Variants in SNTG1 observed in about 807,000 individuals in gnomAD.
SNTG1 encodes the protein syntrophin gamma 1.
Under a neutral mutation model 74.7 loss-of-function variants are expected in SNTG1, and 39 were observed. The observed-to-expected ratio is 0.52, with a 90% CI of 0.40 to 0.68. SNTG1 has a LOEUF of 0.68. Ranked by LOEUF, SNTG1 falls within the 30% of genes least tolerant of loss-of-function variation. The pLI is 0.00. For synonymous variants in SNTG1, 254 were observed against 217.1 expected (o/e 1.17, Z -1.49); for missense variants, 685 against 609.5 (o/e 1.12, Z -1.30).
chr8:50,627,123 C>T (rs920559160), intron 13 of SNTG1, among the ~76,000 whole-genome samples: 3 of 152,120 alleles, frequency 2.0e-5, no homozygotes, highest in African/African-American at 7.2e-5. Context: ...TTAAACACCT[C>T]TCTTCATTTT....
chr8:50,761,630 TC>T lies in SNTG1; in HGVS notation c.1395+9520del, dbSNP rs1463000601. Among the ~76,000 whole-genome samples, 7 of 151,958 alleles carry T rather than the reference TC, an allele frequency of 4.6e-5. No individual in the cohort carries two copies. In the South Asian group the frequency reaches 8.3e-4, roughly 18 times the overall value. ...TTTTTTTTTTCATGATCTGTGGTTT[TC>T]TTTTTAATTATCTTGTCTTATGATC... On this transcript the variant is annotated intron_variant, in intron 18 of 18. Transcript: ENST00000642720.
chr8:50,599,286 G>C (rs2094755360), intron 13 of SNTG1, among the ~76,000 whole-genome samples: 1 of 151,940 alleles, frequency 6.6e-6, no homozygotes. Flanking sequence ...AATTAGAAAT[G>C]AAGTAATGTG....
intron 18 of SNTG1, among the ~76,000 whole-genome samples, chr8:50,784,385 G>A (rs537418625): frequency 2.9e-4 from 44 of 151,956 alleles, no homozygotes; most frequent in South Asian, 1.5e-3. Context: ...AAAAGAACCC[G>A]AATAACTATA....
chr8:50,484,143 T>TC (rs1433936462), intron 8 of SNTG1, among the ~76,000 whole-genome samples: 30 of 105,294 alleles, frequency 2.8e-4, no homozygotes, highest in South Asian at 8.0e-4. Context: ...TTTCCTTCTT[T>TC]CTTTCTTTCC....
chr8:50,568,298 G>T lies in SNTG1; in HGVS notation c.810+15119G>T, dbSNP rs946775246. 3.8e-4 allele frequency among the ~76,000 whole-genome samples: 58 copies of T among 151,118 alleles called. No individual in the cohort carries two copies. In the Admixed American group the frequency reaches 3.8e-3, roughly 10 times the overall value. On this transcript the variant is annotated intron_variant, in intron 12 of 18. Transcript: ENST00000642720. ...TCTATCTACCATTGTGAATAGTGCTGCAATAAACATGGGAGTACAGATATC... is the reference window on the plus strand; with the variant it reads ...TCTATCTACCATTGTGAATAGTGCTTCAATAAACATGGGAGTACAGATATC...
chr8:50,786,200 C>CA (rs1167249288), intron 18 of SNTG1, among the ~76,000 whole-genome samples: 1 of 151,838 alleles, frequency 6.6e-6, no homozygotes, highest in East Asian at 1.9e-4. Flanking sequence ...TCCCAATGCA[C>CA]AAAAATCAGC....
At chr8:50,233,002 AAG>A (rs2085706900) in intron 2 of SNTG1, among the ~76,000 whole-genome samples, 1 of 151,318 alleles carries the variant, frequency 6.6e-6, no homozygotes, top group Non-Finnish European at 1.5e-5. Context: ...ATTGATACAT[AAG>A]TTTAATGAAA....
chr8:50,403,652 A>G (rs1024801340), intron 4 of SNTG1, among the ~76,000 whole-genome samples: 1 of 152,230 alleles, frequency 6.6e-6, no homozygotes, highest in African/African-American at 2.4e-5. Flanking sequence ...TTCTTAAAAG[A>G]TAATTGTGCA....
At chr8:50,272,678 C>T (rs929471213) in intron 2 of SNTG1, among the ~76,000 whole-genome samples, 3 of 152,170 alleles carry the variant, frequency 2.0e-5, no homozygotes, top group South Asian at 2.1e-4. Context: ...AGCCATGAAC[C>T]TTGATTTGTA....
At chr8:50,557,542 C>T (rs2094463501) in intron 12 of SNTG1, among the ~76,000 whole-genome samples, 1 of 152,180 alleles carries the variant, frequency 6.6e-6, no homozygotes, top group African/African-American at 2.4e-5. Context: ...CTCTTCCAGC[C>T]TCTGGTGGCT....
intron 2 of SNTG1, among the ~76,000 whole-genome samples, chr8:50,175,638 A>G (rs1159152617): frequency 1.3e-5 from 2 of 152,180 alleles, no homozygotes; most frequent in African/African-American, 4.8e-5. Context: ...TCAAAGTATC[A>G]TGCACAGTAA....
At chr8:50,282,259 G>A (rs377432073) in intron 2 of SNTG1, among the ~76,000 whole-genome samples, 2 of 152,226 alleles carry the variant, frequency 1.3e-5, no homozygotes, top group Non-Finnish European at 2.9e-5. Flanking sequence ...TTCTGAGCCT[G>A]TAATAAGCTC....
intron 8 of SNTG1, among the ~76,000 whole-genome samples, chr8:50,493,754 C>T (rs1374106412): frequency 6.7e-6 from 1 of 150,110 alleles, no homozygotes; most frequent in African/African-American, 2.4e-5. Flanking sequence ...ATATTTTTTA[C>T]TTCTATATAT....
intron 13 of SNTG1, among the ~76,000 whole-genome samples, chr8:50,626,558 G>T (rs2094957547): frequency 6.6e-6 from 1 of 152,202 alleles, no homozygotes; most frequent in South Asian, 2.1e-4. Context: ...GTAGATTATA[G>T]ATTAACTAAA....
intron 1 of SNTG1, among the ~76,000 whole-genome samples, chr8:49,956,730 A>T (rs1810210199): frequency 6.6e-6 from 1 of 152,098 alleles, no homozygotes; most frequent in African/African-American, 2.4e-5. Flanking sequence ...TCAGACAGAC[A>T]TATCCTGGAC....
chr8:50,314,668 C>T (rs16914704), intron 2 of SNTG1, among the ~76,000 whole-genome samples: 20,093 of 149,946 alleles, frequency 0.13, 2,042 homozygotes, highest in Middle Eastern at 0.16. Context: ...AAATCATGCT[C>T]TTCTTTATGT....
intron 1 of SNTG1, among the ~76,000 whole-genome samples, chr8:50,090,847 G>A (rs962985839): frequency 1.3e-5 from 2 of 152,070 alleles, no homozygotes; most frequent in East Asian, 3.9e-4. Flanking sequence ...ATGCATTGAA[G>A]GTAGGAAAAG....
At chr8:50,076,506 T>C (rs1821906042) in intron 1 of SNTG1, among the ~76,000 whole-genome samples, 1 of 152,152 alleles carries the variant, frequency 6.6e-6, no homozygotes, top group African/African-American at 2.4e-5. Context: ...TATATTACCT[T>C]GATTACTATT....
Position 50,206,251 on chromosome 8 carries a change from T to A in SNTG1, c.-28+33616T>A, listed in dbSNP as rs181037076. Reference sequence around the variant, plus strand: ...TGTCCTCTTTTATTTTGTTGAGCAGTGTTTTGTAGTTCTCCTTGAAGAGGT... The same window carrying A: ...TGTCCTCTTTTATTTTGTTGAGCAGAGTTTTGTAGTTCTCCTTGAAGAGGT... On this transcript the variant is annotated intron_variant, in intron 2 of 18. Transcript: ENST00000642720. Among the ~76,000 whole-genome samples, 3 of 152,276 alleles carry A rather than the reference T, an allele frequency of 2.0e-5. No homozygotes were observed. The East Asian group carries it at 5.8e-4, about 29-fold the overall frequency.
Sources: gnomAD v4.1 joint callset for allele counts (sites outside exome capture counted in the v4.1 genomes callset) on GRCh38, gnomAD v4.1.1 for gene constraint, MANE v1.5 for transcripts, NCBI Gene and HGNC (gene_info 2026-07-23, HGNC 2026-07-21) for gene names.